The following RPS6KA5 variants were observed in gnomAD, a reference collection of about 807,000 sequenced individuals.
The protein encoded by RPS6KA5 is ribosomal protein S6 kinase alpha-5.
In RPS6KA5, 27 loss-of-function variants were observed where a neutral mutation model predicts 85.5. That is an observed-to-expected ratio of 0.32 (90% CI 0.23 to 0.44). RPS6KA5 has a LOEUF of 0.44. Among genes scored for constraint, RPS6KA5 ranks in the 20% least tolerant of loss-of-function variants. RPS6KA5 has a pLI of 1.00. For synonymous variants in RPS6KA5, 334 were observed against 348.2 expected (o/e 0.96, Z 0.46); for missense variants, 811 against 980.9 (o/e 0.83, Z 2.31).
At chr14:90,947,770 G>C (rs753358818) in intron 3 of RPS6KA5, among the ~76,000 whole-genome samples, 6 of 152,108 alleles carry the variant, frequency 3.9e-5, no homozygotes, top group Non-Finnish European at 7.4e-5. Context: ...AGTTTGCAAA[G>C]AGTATTGCCA....
intron 1 of RPS6KA5, among the ~76,000 whole-genome samples, chr14:91,004,694 G>A (rs189879764): frequency 7.8e-4 from 119 of 152,144 alleles, no homozygotes; most frequent in African/African-American, 1.3e-3. Context: ...CAGGCCGGGC[G>A]CGGTGGCTCA....
At chr14:90,979,094 T>G (rs559395521) in intron 2 of RPS6KA5, among the ~76,000 whole-genome samples, 1 of 152,358 alleles carries the variant, frequency 6.6e-6, no homozygotes, top group Non-Finnish European at 1.5e-5. Flanking sequence ...AGAAGCCCTT[T>G]TGTATCTCTG....
intron 1 of RPS6KA5, among the ~76,000 whole-genome samples, chr14:91,054,115 G>A (rs527629515): frequency 6.6e-6 from 1 of 152,268 alleles, no homozygotes; most frequent in East Asian, 1.9e-4. Context: ...TCAGCTAATG[G>A]TGCTGGAACA....
chr14:90,894,384 A>G (rs1595146528), intron 13 of RPS6KA5, 29 bp downstream of exon 13: 1 of 1,599,494 alleles, frequency 6.3e-7, no homozygotes, highest in Non-Finnish European at 8.5e-7. Flanking sequence ...GCTAGACTGA[A>G]TTACGTAAGA....
intron 2 of RPS6KA5, among the ~76,000 whole-genome samples, chr14:90,981,456 G>T (rs1162955293): frequency 6.6e-6 from 1 of 151,966 alleles, no homozygotes; most frequent in Non-Finnish European, 1.5e-5. Flanking sequence ...AAAAACTATT[G>T]TATTTCACTC....
At position 91,001,142 on chromosome 14, in the gene RPS6KA5, C is replaced by A; in HGVS notation, c.121G>T (p.Ala41Ser). 1 of 1,596,244 alleles carries A rather than the reference C, an allele frequency of 6.3e-7. No homozygotes were observed. The highest frequency in any genetic ancestry group is 8.5e-7 in the Non-Finnish European group (1 of 1,171,916). ...AAATTTTCTATTCCCACCTTCTCAG[C>A]ATGTCCTGTCAAATTAGCTAAAAGA... is the stretch of plus-strand genomic sequence containing the variant. ...ELRTANLTGH[A>S]EKVGIENFEL... Residue 41 changes from alanine to serine, a missense_variant, in exon 2 of 17, where the codon GCT becomes TCT. Ala to Ser is a moderately conservative substitution (Grantham distance 99). Coordinates refer to ENST00000614987, the MANE Select transcript of RPS6KA5 (RefSeq NM_004755.4).
At chr14:90,929,674 A>C (rs2036867395) in intron 5 of RPS6KA5, among the ~76,000 whole-genome samples, 1 of 152,226 alleles carries the variant, frequency 6.6e-6, no homozygotes, top group Admixed American at 6.5e-5. Context: ...CAATATTCAA[A>C]AATTGCAGTT....
At chr14:90,890,413 A>G (rs2034482717) in intron 14 of RPS6KA5, 74 bp downstream of exon 14, 1 of 1,284,518 alleles carries the variant, frequency 7.8e-7, no homozygotes, top group Non-Finnish European at 1.0e-6. Flanking sequence ...GTAAGGAAAC[A>G]GTGAAGAGTG....
chr14:91,008,662 A>C (rs2041132452), intron 1 of RPS6KA5, among the ~76,000 whole-genome samples: 1 of 152,220 alleles, frequency 6.6e-6, no homozygotes, highest in African/African-American at 2.4e-5. Flanking sequence ...CGAGAGAATA[A>C]TAAAAAGACT....
chr14:90,912,591 G>A (rs985280538), intron 7 of RPS6KA5, among the ~76,000 whole-genome samples: 4 of 152,178 alleles, frequency 2.6e-5, no homozygotes, highest in Non-Finnish European at 1.5e-5. Context: ...GGCACACAGC[G>A]GTCCCCAGGT....
intron 14 of RPS6KA5, among the ~76,000 whole-genome samples, chr14:90,883,297 T>G (rs1018527118): frequency 6.6e-6 from 1 of 152,176 alleles, no homozygotes; most frequent in Non-Finnish European, 1.5e-5. Flanking sequence ...CATCCTATGG[T>G]TCCTTAGGCT....
intron 7 of RPS6KA5, among the ~76,000 whole-genome samples, chr14:90,913,693 GT>G (rs1480009657): frequency 2.6e-5 from 4 of 152,118 alleles, no homozygotes; most frequent in African/African-American, 4.8e-5. Flanking sequence ...ACACAATGCT[GT>G]TAAACCTTTA....
At chr14:90,940,654 C>G in intron 5 of RPS6KA5, among the ~76,000 whole-genome samples, 1 of 152,144 alleles carries the variant, frequency 6.6e-6, no homozygotes, top group African/African-American at 2.4e-5. Context: ...AGTGTACTAC[C>G]AGAACCTAGC....
intron 1 of RPS6KA5, among the ~76,000 whole-genome samples, chr14:91,026,766 T>C (rs1012971246): frequency 3.3e-5 from 5 of 152,232 alleles, no homozygotes; most frequent in Admixed American, 3.3e-4. Context: ...AGTGTTCCCT[T>C]TTCTGTACAG....
intron 1 of RPS6KA5, among the ~76,000 whole-genome samples, chr14:91,020,190 GGTGT>G (rs56899247): frequency 2.5e-4 from 37 of 149,814 alleles, no homozygotes; most frequent in African/African-American, 5.6e-4. Flanking sequence ...TGTTTATGTG[GGTGT>G]GTGTGTGTGT....
chr14:90,934,323 T>C (rs567255471), intron 5 of RPS6KA5, among the ~76,000 whole-genome samples: 139 of 152,316 alleles, frequency 9.1e-4, no homozygotes, highest in African/African-American at 3.2e-3. Context: ...TCTATTTTTA[T>C]TGTGCTTTAT....
intron 3 of RPS6KA5, among the ~76,000 whole-genome samples, chr14:90,954,237 T>C (rs919764224): frequency 4.6e-5 from 7 of 152,362 alleles, no homozygotes; most frequent in Non-Finnish European, 8.8e-5. Context: ...TGTTTTTATC[T>C]GCAGTTGGTA....
Position 90,848,758 on chromosome 14 carries a change from A to G in RPS6KA5, c.*23316T>C, listed in dbSNP as rs2031839887. ...CCCAGAAGGGCTTTTTAAAGAGGCT[A>G]AAGACATTCTAATTGCCATCCAAAT... On this transcript the variant is annotated 3_prime_UTR_variant, in exon 17 of 17. Transcript: ENST00000614987. 6.6e-6 allele frequency: 1 copy of G among 152,216 alleles called. No homozygotes were observed. Among genetic ancestry groups the G allele is most frequent in the African/African-American group, 2.4e-5 (1 of 41,448 alleles). The allele number at this position is 152,216 out of a possible 1,614,324, so 9.4% of individuals were successfully genotyped here. A position where few individuals can be genotyped will look rare whatever the true frequency, so the allele number is the denominator to read the frequency against.
chr14:90,878,603 T>C (rs1471163890), intron 14 of RPS6KA5, among the ~76,000 whole-genome samples: 1 of 152,214 alleles, frequency 6.6e-6, no homozygotes, highest in African/African-American at 2.4e-5. Context: ...GGCACCATTA[T>C]AGGGTATTTT....
Sources: allele counts gnomAD v4.1 joint callset (sites outside exome capture counted in the v4.1 genomes callset), GRCh38; gene constraint gnomAD v4.1.1; transcripts MANE v1.5; gene names NCBI Gene and HGNC (gene_info 2026-07-23, HGNC 2026-07-21).